Variants in FILIP1 observed in about 807,000 individuals in gnomAD.
FILIP1 encodes the protein filamin A interacting protein 1.
A neutral mutation model predicts 102.1 loss-of-function variants in FILIP1; 61 were observed. The observed-to-expected ratio is 0.60, with a 90% CI of 0.49 to 0.74. The LOEUF (loss-of-function observed/expected upper bound fraction) is 0.74. FILIP1 is among the 30% of genes least tolerant of loss of function. The pLI, the probability that FILIP1 is intolerant of heterozygous loss-of-function variation, is 0.00. For missense variants in FILIP1, 1,314 were observed against 1,441.2 expected, an observed-to-expected ratio of 0.91 and a Z score of 1.43; for synonymous variants, 491 against 526.9, an observed-to-expected ratio of 0.93 and a Z score of 0.93.
chr6:75,391,740 G>T (rs1198070568), intron 2 of FILIP1, among the ~76,000 whole-genome samples: 1 of 152,060 alleles, frequency 6.6e-6, no homozygotes, highest in Non-Finnish European at 1.5e-5. Context: ...ACATACTGTT[G>T]TTTCTTCCAT....
At chr6:75,305,621 T>A (rs1464835774), downstream of FILIP1, among the ~76,000 whole-genome samples, 2 of 152,148 alleles carry the variant, frequency 1.3e-5, no homozygotes, top group Non-Finnish European at 1.5e-5. Flanking sequence ...TGATAAACAC[T>A]CTTGAGGCTG....
intron 5 of FILIP1, among the ~76,000 whole-genome samples, chr6:75,311,250 G>A (rs1175035219): frequency 2.1e-5 from 3 of 144,822 alleles, no homozygotes; most frequent in Non-Finnish European, 4.6e-5. Flanking sequence ...TGGCATGACC[G>A]TGGCTCACTG....
At chr6:75,330,196 T>C (rs1445334293) in intron 4 of FILIP1, among the ~76,000 whole-genome samples, 5 of 152,186 alleles carry the variant, frequency 3.3e-5, no homozygotes, top group African/African-American at 1.2e-4. Flanking sequence ...ACTGAGTTTT[T>C]TGGCATCACC....
At chr6:75,431,221 C>T (rs1187648915) in intron 1 of FILIP1, among the ~76,000 whole-genome samples, 1 of 152,152 alleles carries the variant, frequency 6.6e-6, no homozygotes, top group Admixed American at 6.5e-5. Flanking sequence ...AAGTACAAAA[C>T]ACAGGTTATT....
intron 3 of FILIP1, chr6:75,362,145 T>A (rs1775190858): frequency 6.6e-6 from 1 of 152,232 alleles, no homozygotes; most frequent in South Asian, 2.1e-4. Context: ...GGCTCAAACT[T>A]CTGCTACAAT....
intron 2 of FILIP1, among the ~76,000 whole-genome samples, chr6:75,372,675 A>AAG (rs1243846620): frequency 1.3e-4 from 8 of 60,472 alleles, no homozygotes; most frequent in African/African-American, 6.8e-4. Flanking sequence ...GAAAGAAAGA[A>AAG]AGAAAGAAAG....
chr6:75,375,839 C>G (rs1045744775), intron 2 of FILIP1, among the ~76,000 whole-genome samples: 1 of 152,192 alleles, frequency 6.6e-6, no homozygotes, highest in Non-Finnish European at 1.5e-5. Context: ...TACACTTACA[C>G]ATTTGACCAA....
chr6:75,418,280 T>C (rs1777338138), intron 1 of FILIP1, among the ~76,000 whole-genome samples: 1 of 152,194 alleles, frequency 6.6e-6, no homozygotes. Context: ...TATGTCTTCC[T>C]CCACAGACAC....
chr6:75,340,149 T>C (rs1274879532), intron 4 of FILIP1, among the ~76,000 whole-genome samples: 1 of 152,144 alleles, frequency 6.6e-6, no homozygotes, highest in Non-Finnish European at 1.5e-5. Flanking sequence ...CTAAAAATCA[T>C]AATATTGCTT....
At chr6:75,375,453 A>C (rs1775722139) in intron 2 of FILIP1, among the ~76,000 whole-genome samples, 1 of 152,182 alleles carries the variant, frequency 6.6e-6, no homozygotes, top group Non-Finnish European at 1.5e-5. Flanking sequence ...AGAAGGAAAA[A>C]AGGGCAAATG....
chr6:75,419,795 T>C (rs1362730980), intron 1 of FILIP1, among the ~76,000 whole-genome samples: 2 of 152,214 alleles, frequency 1.3e-5, no homozygotes, highest in African/African-American at 4.8e-5. Context: ...CGTTATCTTA[T>C]TGGTTAAATC....
intron 3 of FILIP1, among the ~76,000 whole-genome samples, chr6:75,361,562 A>T: frequency 6.6e-6 from 1 of 151,572 alleles, no homozygotes; most frequent in Non-Finnish European, 1.5e-5. Flanking sequence ...ATGAGCAGTT[A>T]TCATTTTTGA....
intron 1 of FILIP1, among the ~76,000 whole-genome samples, chr6:75,436,856 G>A (rs111540436): frequency 0.012 from 1,752 of 152,222 alleles, 27 homozygotes; most frequent in African/African-American, 0.04. Context: ...GGACTTGATT[G>A]GTAGCATTTG....
intron 1 of FILIP1, among the ~76,000 whole-genome samples, chr6:75,416,138 A>G (rs180992081): frequency 6.3e-4 from 96 of 152,312 alleles, no homozygotes; most frequent in African/African-American, 2.2e-3. Context: ...ATATGAAAGT[A>G]AATTTCCTTT....
At chr6:75,395,243 A>G (rs1776422124) in intron 2 of FILIP1, among the ~76,000 whole-genome samples, 2 of 152,168 alleles carry the variant, frequency 1.3e-5, no homozygotes, top group Admixed American at 6.5e-5. Context: ...GTGTGAATTA[A>G]CCATTCAAAA....
At position 75,350,748 on chromosome 6, in the gene FILIP1, G is replaced by A. The variant is rs553137640; in HGVS notation, c.629+2791C>T. Among the ~76,000 whole-genome samples the A allele has an allele frequency of 2.6e-5, 4 of 152,294 alleles. No homozygotes were observed. In the East Asian group the frequency reaches 7.7e-4, roughly 29 times the overall value. Reference sequence around the variant, plus strand: ...TTTTATTAAACCAATGACTCTGTAAGTGAACTTATACTACCTCAGGCATTT... The same window carrying A: ...TTTTATTAAACCAATGACTCTGTAAATGAACTTATACTACCTCAGGCATTT... On this transcript the variant is annotated intron_variant, in intron 4 of 5. Transcript: ENST00000237172.
In FILIP1 at chr6:75,300,372, C is replaced by G. The variant is rs951146952; in HGVS notation, c.3494-4422G>C. On this transcript the variant is annotated intron_variant, in intron 6 of 6. Transcript: ENST00000393004. Reference sequence around the variant, plus strand: ...CCCATGTTCTATGGCTCCCTACCCACCAGGGGCTCTGCCTAGAGGTACCAG... The same window carrying G: ...CCCATGTTCTATGGCTCCCTACCCAGCAGGGGCTCTGCCTAGAGGTACCAG... 2.6e-5 allele frequency among the ~76,000 whole-genome samples: 4 copies of G among 152,174 alleles called. No individual in the cohort carries two copies. In the South Asian group the frequency reaches 6.2e-4, roughly 24 times the overall value.
At chr6:75,441,817 C>T (rs1287124680) in intron 1 of FILIP1, among the ~76,000 whole-genome samples, 1 of 147,590 alleles carries the variant, frequency 6.8e-6, no homozygotes, top group East Asian at 2.1e-4. Context: ...CCGGACGGGG[C>T]GGCTGGCCGG....
intron 3 of FILIP1, among the ~76,000 whole-genome samples, chr6:75,359,108 T>C (rs1318909633): frequency 2.0e-5 from 3 of 151,298 alleles, no homozygotes; most frequent in African/African-American, 7.3e-5. Context: ...CAGGTTCAAG[T>C]GATTCTCGTG....
Sources: gnomAD v4.1 joint callset for allele counts (sites outside exome capture counted in the v4.1 genomes callset) on GRCh38, gnomAD v4.1.1 for gene constraint, MANE v1.5 for transcripts, NCBI Gene and HGNC (gene_info 2026-07-23, HGNC 2026-07-21) for gene names.